Variants in METTL6 observed in about 807,000 individuals in gnomAD.
METTL6 encodes tRNA N(3)-cytidine methyltransferase METTL6.
A neutral mutation model predicts 26.4 loss-of-function variants in METTL6; 22 were observed. The observed-to-expected ratio is 0.83, with a 90% CI of 0.59 to 1.19. The LOEUF (loss-of-function observed/expected upper bound fraction) is 1.19. METTL6 is among the 50% of genes most tolerant of loss of function. The probability of loss-of-function intolerance (pLI) is 0.00; values close to 1 mark genes in which losing one functional copy is unlikely to be tolerated. For synonymous variants in METTL6, 109 were observed against 116.2 expected (o/e 0.94, Z 0.40); for missense variants, 304 against 324.8 (o/e 0.94, Z 0.49).
At chr3:15,397,071 C>T (rs1301869347) in intron 6 of METTL6, among the ~76,000 whole-genome samples, 2 of 152,174 alleles carry the variant, frequency 1.3e-5, no homozygotes, top group African/African-American at 2.4e-5. Context: ...TGGCTATGCC[C>T]GCCCCCAGAA....
At chr3:15,412,518 CCT>C (rs1700012538) in intron 5 of METTL6, among the ~76,000 whole-genome samples, 1 of 151,914 alleles carries the variant, frequency 6.6e-6, no homozygotes, top group African/African-American at 2.4e-5. Context: ...GGCTTCTCGC[CCT>C]GTCGCCCAGG....
chr3:15,415,847 A>G lies in METTL6; in HGVS notation c.456T>C (p.Asp152=), dbSNP rs1353127759. The G allele has an allele frequency of 9.9e-6, 16 of 1,614,084 alleles. No individual in the cohort carries two copies. Among genetic ancestry groups the G allele is most frequent in the African/African-American group, 1.3e-5 (1 of 74,930 alleles). The stretch of plus-strand genomic sequence containing the variant: ...ACAGCACAAATATCAACATAACAAC[A>G]TCCACAGACTCTGGCGGTACATGAT... ...LLDHVPPESV[D]VVMLIFVLSA... Residue 152 remains aspartate (D), a synonymous_variant, in exon 4 of 6, where the codon GAT becomes GAC. Transcript: ENST00000383790.
chr3:15,391,118 T>C (rs1699332996), intron 6 of METTL6, among the ~76,000 whole-genome samples: 1 of 152,202 alleles, frequency 6.6e-6, no homozygotes, highest in Non-Finnish European at 1.5e-5. Context: ...TTCAGTTGCT[T>C]CTCTGCTTAC....
chr3:15,390,468 A>C (rs1699314414), intron 6 of METTL6, among the ~76,000 whole-genome samples: 1 of 152,148 alleles, frequency 6.6e-6, no homozygotes. Flanking sequence ...CTTTGCAAAA[A>C]TTGTAACAGA....
chr3:15,412,240 G>A (rs1018528132), intron 5 of METTL6, among the ~76,000 whole-genome samples: 57 of 152,282 alleles, frequency 3.7e-4, no homozygotes, highest in African/African-American at 1.3e-3. Flanking sequence ...ACACCCAGTG[G>A]TGACCTAGCT....
chr3:15,407,648 A>G (rs1003105282), downstream of METTL6, among the ~76,000 whole-genome samples: 4 of 152,206 alleles, frequency 2.6e-5, no homozygotes, highest in Admixed American at 6.5e-5. Flanking sequence ...TGGAAAACTG[A>G]CCGAAGGACC....
At chr3:15,404,077 C>T (rs896747213) in intron 6 of METTL6, among the ~76,000 whole-genome samples, 1 of 152,124 alleles carries the variant, frequency 6.6e-6, no homozygotes, top group Non-Finnish European at 1.5e-5. Context: ...TGCTGACCTC[C>T]TATCTCGTCC....
chr3:15,401,512 G>T (rs1439135325), intron 6 of METTL6, among the ~76,000 whole-genome samples: 4 of 132,970 alleles, frequency 3.0e-5, no homozygotes, highest in Non-Finnish European at 6.2e-5. Flanking sequence ...CAAAGGTGAA[G>T]GATACAGTGA....
intron 6 of METTL6, among the ~76,000 whole-genome samples, chr3:15,391,686 C>T (rs898169340): frequency 2.6e-5 from 3 of 117,428 alleles, no homozygotes; most frequent in African/African-American, 9.8e-5. Flanking sequence ...GTGTGATGTT[C>T]CCCTTCCTGT....
intron 2 of METTL6, 25 bp downstream of exon 2, chr3:15,426,262 C>T (rs771393738): frequency 1.2e-6 from 2 of 1,602,482 alleles, no homozygotes; most frequent in Non-Finnish European, 1.7e-6. Flanking sequence ...AAGAACAGCT[C>T]AGATAAGGCG....
chr3:15,399,636 G>A (rs1239165986), intron 6 of METTL6: 1 of 151,594 alleles, frequency 6.6e-6, no homozygotes, highest in Non-Finnish European at 1.5e-5. Flanking sequence ...TTAGATGTTA[G>A]GGAATCATTA....
intron 6 of METTL6, among the ~76,000 whole-genome samples, chr3:15,402,602 C>T (rs753465269): frequency 1.3e-5 from 2 of 151,852 alleles, no homozygotes; most frequent in Non-Finnish European, 2.9e-5. Flanking sequence ...GGCGTGGTGG[C>T]ACACACCTGT....
downstream of METTL6, among the ~76,000 whole-genome samples, chr3:15,406,584 AGT>A (rs1699791591): frequency 1.3e-5 from 1 of 74,910 alleles, no homozygotes; most frequent in African/African-American, 5.3e-5. Flanking sequence ...AAAAACAAAC[AGT>A]TATATATATA....
downstream of METTL6, among the ~76,000 whole-genome samples, chr3:15,409,616 C>T (rs570234305): frequency 1.3e-5 from 2 of 152,306 alleles, no homozygotes; most frequent in South Asian, 2.1e-4. Flanking sequence ...CACCAGTCAT[C>T]TTCTCCGAGA....
At chr3:15,413,788 C>T (rs1559490743) in intron 5 of METTL6, 1 of 1,458,250 alleles carries the variant, frequency 6.9e-7, no homozygotes, top group East Asian at 2.9e-5. Context: ...TGTCCATTAA[C>T]CCAAGCTCAT....
At chr3:15,389,496 CAT>C (rs1287117126) in intron 6 of METTL6, among the ~76,000 whole-genome samples, 1 of 152,068 alleles carries the variant, frequency 6.6e-6, no homozygotes, top group Non-Finnish European at 1.5e-5. Context: ...ACCAGGGAGC[CAT>C]ATATTGGGGT....
At chr3:15,404,509 A>AT (rs34073251) in intron 6 of METTL6, among the ~76,000 whole-genome samples, 57,553 of 133,106 alleles carry the variant, frequency 0.43, 12,537 homozygotes, top group Middle Eastern at 0.47. Flanking sequence ...TGCCCAGCTA[A>AT]TTTTTTTTTT....
chr3:15,402,206 A>G (rs980448622), intron 6 of METTL6, among the ~76,000 whole-genome samples: 1 of 152,196 alleles, frequency 6.6e-6, no homozygotes, highest in Non-Finnish European at 1.5e-5. Context: ...AGAGACTTTC[A>G]TTCACGGCTG....
intron 6 of METTL6, among the ~76,000 whole-genome samples, chr3:15,400,267 A>C (rs1428697307): frequency 1.3e-5 from 2 of 150,106 alleles, no homozygotes; most frequent in South Asian, 2.1e-4. Context: ...CCCTCTCCAC[A>C]CCCTCTCTGC....
Sources: allele counts gnomAD v4.1 joint callset (sites outside exome capture counted in the v4.1 genomes callset), GRCh38; gene constraint gnomAD v4.1.1; transcripts MANE v1.5; gene names NCBI Gene and HGNC (gene_info 2026-07-23, HGNC 2026-07-21).